AMMECR1: variants seen among roughly 807,000 people sequenced by gnomAD.
AMMECR1 encodes nuclear protein AMMECR1.
Under a neutral mutation model 22.5 loss-of-function variants are expected in AMMECR1, and 3 were observed. The observed-to-expected ratio is 0.13, with a 90% CI of 0.06 to 0.35. AMMECR1 has a LOEUF of 0.35. AMMECR1 is among the 10% of genes least tolerant of loss of function. The pLI is 1.00. For missense variants in AMMECR1, 235 were observed against 278.7 expected (o/e 0.84, Z 1.12); for synonymous variants, 130 against 116.7 (o/e 1.11, Z -0.74).
At chrX:110,404,535 T>C in intron 2 of AMMECR1, among the ~76,000 whole-genome samples, 1 of 112,182 alleles carries the variant, frequency 8.9e-6, no homozygotes, top group Non-Finnish European at 1.9e-5. Flanking sequence ...TGTCTGATCA[T>C]AAGAAACTGT....
intron 2 of AMMECR1, among the ~76,000 whole-genome samples, chrX:110,357,593 G>A (rs2068237081): frequency 8.9e-6 from 1 of 112,263 alleles, no homozygotes; most frequent in Non-Finnish European, 1.9e-5. Context: ...CTTTGGGCAT[G>A]AAATATATTT....
chrX:110,408,458 T>C (rs2068618201), intron 2 of AMMECR1, among the ~76,000 whole-genome samples: 1 of 112,642 alleles, frequency 8.9e-6, no homozygotes, highest in Non-Finnish European at 1.9e-5. Flanking sequence ...CCCGAATAAT[T>C]TTTGAATGTT....
intron 2 of AMMECR1, among the ~76,000 whole-genome samples, chrX:110,415,117 T>G (rs764407812): frequency 4.5e-5 from 5 of 112,289 alleles, no homozygotes; most frequent in Non-Finnish European, 9.4e-5. Flanking sequence ...GGAAGCATCT[T>G]GAGAACTGGG....
At chrX:110,386,267 C>CA (rs1395013126) in intron 2 of AMMECR1, among the ~76,000 whole-genome samples, 2 of 109,708 alleles carry the variant, frequency 1.8e-5, no homozygotes, top group Non-Finnish European at 3.8e-5. Flanking sequence ...ATGATGGTTT[C>CA]AATTTTTCCA....
At chrX:110,339,923 T>G (rs755283012) in intron 2 of AMMECR1, among the ~76,000 whole-genome samples, 1 of 109,430 alleles carries the variant, frequency 9.1e-6, no homozygotes, top group African/African-American at 3.3e-5. Context: ...AATAAATCAG[T>G]AATTTAAAAT....
chrX:110,264,607 G>A lies in AMMECR1; in HGVS notation c.474-8C>T. The A allele has an allele frequency of 8.8e-7, 1 of 1,132,166 alleles. No individual in the cohort carries two copies. Among genetic ancestry groups the A allele is most frequent in the Non-Finnish European group, 1.2e-6 (1 of 827,359 alleles). 93.3% of individuals were successfully genotyped at this position (1,132,166 alleles called of 1,213,427 possible). A position where few individuals can be genotyped will look rare whatever the true frequency, so the allele number is the denominator to read the frequency against. On this transcript the variant is annotated splice_polypyrimidine_tract_variant and splice_region_variant and intron_variant, in intron 1 of 5. Transcript: ENST00000262844. ...CATGTTACAAACAGTGGGCTGTAAT[G>A]GAAGATAAAAATAGGGTAAATAAAT...
chrX:110,385,189 A>G (rs2068446708), intron 2 of AMMECR1, among the ~76,000 whole-genome samples: 1 of 111,368 alleles, frequency 9.0e-6, no homozygotes, highest in Non-Finnish European at 1.9e-5. Flanking sequence ...TCATTTCTCC[A>G]TCTATCAAAT....
intron 2 of AMMECR1, among the ~76,000 whole-genome samples, chrX:110,364,882 G>A (rs1474144520): frequency 8.9e-6 from 1 of 112,277 alleles, no homozygotes; most frequent in African/African-American, 3.2e-5. Flanking sequence ...AATATTCCCT[G>A]TAGTGCCAAC....
At chrX:110,234,709 G>A (rs1202618075) in intron 2 of AMMECR1, among the ~76,000 whole-genome samples, 1 of 111,444 alleles carries the variant, frequency 9.0e-6, no homozygotes, top group Non-Finnish European at 1.9e-5. Flanking sequence ...TGACAAACCT[G>A]ACAAAAACAA....
intron 3 of AMMECR1, among the ~76,000 whole-genome samples, chrX:110,210,966 G>A (rs1050199008): frequency 2.7e-5 from 3 of 111,778 alleles, no homozygotes; most frequent in Non-Finnish European, 5.6e-5. Context: ...TTCCATGTAC[G>A]TATTGTGTGC....
intron 1 of AMMECR1, among the ~76,000 whole-genome samples, chrX:110,438,235 T>C (rs894272733): frequency 1.1e-4 from 12 of 111,105 alleles, no homozygotes; most frequent in South Asian, 3.8e-4. Flanking sequence ...TCCCAAGAGG[T>C]TGGCATTTTA....
intron 3 of AMMECR1, among the ~76,000 whole-genome samples, chrX:110,210,268 A>T (rs2067441246): frequency 9.1e-6 from 1 of 110,018 alleles, no homozygotes; most frequent in Non-Finnish European, 1.9e-5. Context: ...AAAAAAAAAC[A>T]TTTAAAGTAG....
intron 1 of AMMECR1, among the ~76,000 whole-genome samples, chrX:110,267,868 G>A (rs1015111354): frequency 7.1e-5 from 8 of 112,061 alleles, no homozygotes; most frequent in Non-Finnish European, 1.3e-4. Context: ...GAAATACGTT[G>A]TAGGGCACTC....
At chrX:110,439,348 A>G (rs2068862908) in intron 1 of AMMECR1, among the ~76,000 whole-genome samples, 1 of 112,340 alleles carries the variant, frequency 8.9e-6, no homozygotes, top group Admixed American at 9.4e-5. Flanking sequence ...GATAGCGTGG[A>G]GCCTCCCCAT....
chrX:110,312,038 A>C (rs1016684320), intron 1 of AMMECR1, among the ~76,000 whole-genome samples: 5 of 112,420 alleles, frequency 4.4e-5, no homozygotes, highest in Non-Finnish European at 7.5e-5. Context: ...TATTTAACAA[A>C]ATTTAAATGT....
intron 2 of AMMECR1, among the ~76,000 whole-genome samples, chrX:110,240,383 C>CAA (rs201985833): frequency 1.0e-3 from 11 of 10,775 alleles, no homozygotes; most frequent in African/African-American, 1.4e-3. Context: ...AAATGGAAAG[C>CAA]AAAAAAAAAA....
chrX:110,330,326 T>C (rs1225287368), intron 2 of AMMECR1, among the ~76,000 whole-genome samples: 1 of 111,603 alleles, frequency 9.0e-6, no homozygotes, highest in African/African-American at 3.3e-5. Flanking sequence ...CTTTTCCTGC[T>C]TCCCTCCTCT....
chrX:110,272,920 C>T (rs964244858), intron 1 of AMMECR1, among the ~76,000 whole-genome samples: 2 of 112,001 alleles, frequency 1.8e-5, no homozygotes, highest in Non-Finnish European at 3.8e-5. Context: ...TGTTGATGGA[C>T]ACTTACATTG....
chrX:110,282,195 AG>A (rs2067856034), intron 1 of AMMECR1, among the ~76,000 whole-genome samples: 1 of 111,503 alleles, frequency 9.0e-6, no homozygotes, highest in Non-Finnish European at 1.9e-5. Context: ...AGATAAAATG[AG>A]GTGAAACCTA....
Sources: gnomAD v4.1 joint callset for allele counts (sites outside exome capture counted in the v4.1 genomes callset) on GRCh38, gnomAD v4.1.1 for gene constraint, MANE v1.5 for transcripts, NCBI Gene and HGNC (gene_info 2026-07-23, HGNC 2026-07-21) for gene names.